SMOC2: variants seen among roughly 807,000 people sequenced by gnomAD.
The protein encoded by SMOC2 is SPARC-related modular calcium-binding protein 2.
In SMOC2, 39 loss-of-function variants were observed where a neutral mutation model predicts 61.4. That is an observed-to-expected ratio of 0.64 (90% CI 0.49 to 0.83). The LOEUF (loss-of-function observed/expected upper bound fraction) is 0.83, where lower values mean the gene tolerates loss of function less well. Ranked by LOEUF, SMOC2 falls within the 40% of genes least tolerant of loss-of-function variation. The pLI, the probability that SMOC2 is intolerant of heterozygous loss-of-function variation, is 0.00. For missense variants in SMOC2, 556 were observed against 592.9 expected (o/e 0.94, Z 0.65); for synonymous variants, 247 against 239.9 (o/e 1.03, Z -0.27).
chr6:168,598,110 C>A (rs1338642046), intron 7 of SMOC2, among the ~76,000 whole-genome samples: 1 of 152,220 alleles, frequency 6.6e-6, no homozygotes, highest in Non-Finnish European at 1.5e-5. Context: ...CATTATTATT[C>A]TTTACCAGTT....
At chr6:168,546,480 T>C (rs1479831084) in intron 5 of SMOC2, among the ~76,000 whole-genome samples, 2 of 152,166 alleles carry the variant, frequency 1.3e-5, no homozygotes, top group South Asian at 2.1e-4. Context: ...TGCGAGTCTA[T>C]GGGTGGTGTA....
intron 1 of SMOC2, among the ~76,000 whole-genome samples, chr6:168,443,795 G>A (rs1043150374): frequency 1.3e-5 from 2 of 152,202 alleles, no homozygotes; most frequent in Admixed American, 1.3e-4. Context: ...AATAAATCAA[G>A]AGGCAGTATC....
intron 9 of SMOC2, 102 bp downstream of exon 9, chr6:168,608,341 G>T (rs1196578784): frequency 3.8e-6 from 5 of 1,318,744 alleles, no homozygotes; most frequent in Non-Finnish European, 5.3e-6. Context: ...GTTTCCCAGG[G>T]GGCCTGTCTG....
intron 11 of SMOC2, among the ~76,000 whole-genome samples, chr6:168,656,323 C>T (rs973995180): frequency 5.9e-5 from 9 of 151,780 alleles, no homozygotes; most frequent in African/African-American, 1.7e-4. Context: ...TCAGCCTGGC[C>T]AGCATAGTGA....
chr6:168,556,206 G>T (rs970974733), intron 7 of SMOC2, among the ~76,000 whole-genome samples: 4 of 152,208 alleles, frequency 2.6e-5, no homozygotes, highest in Admixed American at 6.5e-5. Flanking sequence ...AGCTCCGAGG[G>T]CGTCCGTGGC....
chr6:168,639,235 T>C (rs1786827029), intron 9 of SMOC2, among the ~76,000 whole-genome samples: 1 of 152,160 alleles, frequency 6.6e-6, no homozygotes, highest in African/African-American at 2.4e-5. Context: ...AAATCCTTGC[T>C]TAAAGTTACT....
At chr6:168,655,428 A>G in intron 11 of SMOC2, 1 of 456,476 alleles carries the variant, frequency 2.2e-6, no homozygotes. Flanking sequence ...GCCAGAGCCC[A>G]GATGTTCTTA....
At chr6:168,643,944 G>T (rs553811639) in intron 9 of SMOC2, among the ~76,000 whole-genome samples, 1 of 152,262 alleles carries the variant, frequency 6.6e-6, no homozygotes, top group African/African-American at 2.4e-5. Context: ...TGTGAACCCC[G>T]TCACACATGT....
At chr6:168,635,825 C>T (rs1476974752) in intron 9 of SMOC2, among the ~76,000 whole-genome samples, 5 of 148,480 alleles carry the variant, frequency 3.4e-5, no homozygotes, top group South Asian at 2.1e-4. Flanking sequence ...GAGCTGAGAT[C>T]GCACCACTGC....
chr6:168,497,175 G>GC (rs538243722), intron 1 of SMOC2, among the ~76,000 whole-genome samples: 57 of 152,358 alleles, frequency 3.7e-4, no homozygotes, highest in African/African-American at 1.3e-3. Context: ...CAGGGCCCGG[G>GC]CCCCAAGCCC....
At chr6:168,657,931 C>G (rs1471332378) in intron 11 of SMOC2, among the ~76,000 whole-genome samples, 2 of 152,220 alleles carry the variant, frequency 1.3e-5, no homozygotes, top group African/African-American at 4.8e-5. Context: ...GTTTCCAGCA[C>G]ATGAACTTTG....
chr6:168,526,580 C>A, intron 3 of SMOC2, 128 bp downstream of exon 3: 1 of 686,278 alleles, frequency 1.5e-6, no homozygotes, highest in East Asian at 2.7e-5. Flanking sequence ...CTGGGGAAAT[C>A]AGCCTTCTGC....
intron 11 of SMOC2, among the ~76,000 whole-genome samples, chr6:168,657,586 T>C (rs905588434): frequency 1.4e-4 from 21 of 152,236 alleles, no homozygotes; most frequent in South Asian, 2.1e-4. Flanking sequence ...TGCTTTTGGC[T>C]TCTTGGACTG....
chr6:168,600,223 T>C (rs1231340436), intron 8 of SMOC2, among the ~76,000 whole-genome samples: 1 of 151,890 alleles, frequency 6.6e-6, no homozygotes, highest in East Asian at 1.9e-4. Context: ...CTGGACAATA[T>C]AGTGAAACCC....
chr6:168,496,382 AG>A (rs958456258), intron 1 of SMOC2, among the ~76,000 whole-genome samples: 4 of 152,202 alleles, frequency 2.6e-5, no homozygotes, highest in Admixed American at 6.5e-5. Context: ...CTAGCACAGG[AG>A]GCCATGAGGA....
intron 11 of SMOC2, among the ~76,000 whole-genome samples, chr6:168,657,856 G>A (rs766538490): frequency 1.3e-5 from 2 of 152,152 alleles, no homozygotes; most frequent in Admixed American, 6.5e-5. Context: ...TCACCTATTC[G>A]TGAGGGCAGA....
At chr6:168,518,832 AGT>A (rs60725475) in intron 2 of SMOC2, among the ~76,000 whole-genome samples, 16,633 of 149,966 alleles carry the variant, frequency 0.11, 1,067 homozygotes, top group Middle Eastern at 0.19. Context: ...TGAGTGCATG[AGT>A]GTGCATGCGT....
intron 7 of SMOC2, among the ~76,000 whole-genome samples, chr6:168,575,117 G>T (rs1402044248): frequency 6.6e-6 from 1 of 152,178 alleles, no homozygotes; most frequent in Non-Finnish European, 1.5e-5. Flanking sequence ...TGTGCGAAGC[G>T]CTGGGCGGGC....
intron 9 of SMOC2, among the ~76,000 whole-genome samples, chr6:168,625,152 C>T (rs999844354): frequency 1.3e-5 from 2 of 152,218 alleles, no homozygotes; most frequent in Admixed American, 6.5e-5. Flanking sequence ...AGATGCCTGG[C>T]GCTCCAGCAG....
Sources: gnomAD v4.1 joint callset for allele counts (sites outside exome capture counted in the v4.1 genomes callset) on GRCh38, gnomAD v4.1.1 for gene constraint, MANE v1.5 for transcripts, NCBI Gene and HGNC (gene_info 2026-07-23, HGNC 2026-07-21) for gene names.